FAM227A: variants seen among roughly 807,000 people sequenced by gnomAD.
The protein encoded by FAM227A is protein FAM227A.
FAM227A carries 80 observed loss-of-function variants against 74.7 expected under a neutral mutation model. The ratio of observed to expected loss-of-function variants is 1.07; its 90% CI spans 0.89 to 1.29. The LOEUF (loss-of-function observed/expected upper bound fraction) is 1.29, where lower values mean the gene tolerates loss of function less well. Among genes scored for constraint, FAM227A ranks in the 50% most tolerant of loss-of-function variants. The pLI, the probability that FAM227A is intolerant of heterozygous loss-of-function variation, is 0.00. For missense variants in FAM227A, 654 were observed against 683.4 expected, an observed-to-expected ratio of 0.96 and a Z score of 0.48; for synonymous variants, 237 against 241.8, an observed-to-expected ratio of 0.98 and a Z score of 0.19.
intron 10 of FAM227A, among the ~76,000 whole-genome samples, chr22:38,622,412 C>A (rs1249218413): frequency 1.3e-5 from 2 of 152,202 alleles, no homozygotes; most frequent in Non-Finnish European, 2.9e-5. Context: ...GGCTTGCCTC[C>A]ACCACCATGT....
At position 38,598,042 on chromosome 22, in the gene FAM227A, CA is replaced by C. The variant is rs59018974; in HGVS notation, c.1380-687del. On this transcript the variant is annotated intron_variant, in intron 14 of 16. Coordinates refer to ENST00000535113, the MANE Select transcript of FAM227A (RefSeq NM_001013647.2). The stretch of plus-strand genomic sequence containing the variant: ...TAGGCAACAGAGTGAGACTCTGTCT[CA>C]AAAAAAAAAAAAAAAAAGAAAATTC... 9.3e-4 allele frequency among the ~76,000 whole-genome samples: 78 copies of C among 83,810 alleles called. 1 individual carries two copies. Among genetic ancestry groups the C allele is most frequent in the Middle Eastern group, 7.0e-3 (1 of 142 alleles). The allele number at this position is 83,810 out of a possible 152,430, so 55.0% of individuals were successfully genotyped here. A position where few individuals can be genotyped will look rare whatever the true frequency, so the allele number is the denominator to read the frequency against.
rs1248395670 is a variant in FAM227A, at chr22:38,584,139, A to G, written c.*1986T>C. 1 of 152,112 alleles carries G rather than the reference A, an allele frequency of 6.6e-6. No individual in the cohort carries two copies. Among genetic ancestry groups the G allele is most frequent in the Non-Finnish European group, 1.5e-5 (1 of 68,040 alleles). 9.4% of individuals were successfully genotyped at this position (152,112 alleles called of 1,614,324 possible). A position where few individuals can be genotyped will look rare whatever the true frequency, so the allele number is the denominator to read the frequency against. ...TTTCTCAGATTCCACGCAGCTTTCT[A>G]TCGGAGCATTAATGCATTTATTGGT... On this transcript the variant is annotated 3_prime_UTR_variant, in exon 17 of 17. Coordinates refer to ENST00000535113, the MANE Select transcript of FAM227A (RefSeq NM_001013647.2).
At chr22:38,645,238 A>C (rs1393579786) in intron 3 of FAM227A, among the ~76,000 whole-genome samples, 2 of 151,342 alleles carry the variant, frequency 1.3e-5, no homozygotes, top group African/African-American at 4.9e-5. Flanking sequence ...AAAAAATACA[A>C]AAATTAGCTG....
rs2091032253 is a variant in FAM227A, at chr22:38,595,889, T to C, written c.1532+1315A>G. Among the ~76,000 whole-genome samples the C allele has an allele frequency of 2.0e-5, 3 of 149,358 alleles. No individual in the cohort carries two copies. In the South Asian group the frequency reaches 6.5e-4, roughly 32 times the overall value. The stretch of plus-strand genomic sequence containing the variant: ...GGCTATATTGGAACAAATTCAATGC[T>C]ACTTTGAGGAAATATCAGAAAAACC... On this transcript the variant is annotated intron_variant, in intron 15 of 16. Coordinates refer to ENST00000535113, the MANE Select transcript of FAM227A (RefSeq NM_001013647.2).
rs960905371 is a variant in FAM227A at position 38,583,394 on chromosome 22, C to G, written c.*2731G>C. On this transcript the variant is annotated 3_prime_UTR_variant, in exon 17 of 17. Transcript: ENST00000535113. ...TTCGCCACGTTGGCCAGGCTGGTCTCAAACTCCTGACCTCAGGCGATCCAC... is the reference window on the plus strand; with the variant it reads ...TTCGCCACGTTGGCCAGGCTGGTCTGAAACTCCTGACCTCAGGCGATCCAC... 1.2e-5 allele frequency: 2 copies of G among 164,986 alleles called. No homozygotes were observed. Among genetic ancestry groups the G allele is most frequent in the Admixed American group, 5.8e-5 (1 of 17,338 alleles). The allele number at this position is 164,986 out of a possible 1,614,324, so 10.2% of individuals were successfully genotyped here.
intron 6 of FAM227A, among the ~76,000 whole-genome samples, chr22:38,630,130 T>C (rs912207174): frequency 1.3e-5 from 2 of 151,256 alleles, no homozygotes; most frequent in Non-Finnish European, 2.9e-5. Context: ...GTGCCTCTCC[T>C]TTACCATCAG....
At chr22:38,595,017 G>C (rs952594196) in intron 15 of FAM227A, among the ~76,000 whole-genome samples, 9 of 152,172 alleles carry the variant, frequency 5.9e-5, no homozygotes, top group Non-Finnish European at 1.3e-4. Flanking sequence ...AGAATCGCTT[G>C]AACCTGGGGG....
chr22:38,591,166 A>G (rs2090925031), intron 16 of FAM227A, among the ~76,000 whole-genome samples: 1 of 152,034 alleles, frequency 6.6e-6, no homozygotes, highest in Non-Finnish European at 1.5e-5. Context: ...ACTCTACAAA[A>G]ATAAAAAATG....
rs371266891 is a variant in FAM227A, at chr22:38,638,687, T to C, written c.372+59A>G. On this transcript the variant is annotated intron_variant, in intron 5 of 16. Coordinates refer to ENST00000535113, the MANE Select transcript of FAM227A (RefSeq NM_001013647.2). ...AGTATTCTCCTCCCCAGGAATAAAATCTTTATTTCATGCCTAGCAGAAGCC... is the reference window on the plus strand; with the variant it reads ...AGTATTCTCCTCCCCAGGAATAAAACCTTTATTTCATGCCTAGCAGAAGCC... The C allele has an allele frequency of 3.2e-5, 40 of 1,263,328 alleles. No individual in the cohort carries two copies. The East Asian group carries it at 9.4e-4, about 30-fold the overall frequency. The allele number at this position is 1,263,328 out of a possible 1,614,324, so 78.3% of individuals were successfully genotyped here.
intron 15 of FAM227A, 73 bp from the exon 16 acceptor site, chr22:38,591,613 T>G (rs1318027070): frequency 1.0e-6 from 1 of 1,000,354 alleles, no homozygotes. Context: ...CTGTATGTCC[T>G]ATAAACTGAT....
chr22:38,615,496 C>T (rs1161914317), intron 11 of FAM227A, among the ~76,000 whole-genome samples: 1 of 152,184 alleles, frequency 6.6e-6, no homozygotes, highest in Non-Finnish European at 1.5e-5. Flanking sequence ...CAAGGAGGAA[C>T]CAGATTTCCC....
Position 38,582,423 on chromosome 22 carries a change from T to C in FAM227A, c.*3702A>G. 6.5e-7 allele frequency: 1 copy of C among 1,549,348 alleles called. No individual in the cohort carries two copies. Among genetic ancestry groups the C allele is most frequent in the Non-Finnish European group, 8.7e-7 (1 of 1,145,992 alleles). Reference sequence around the variant, plus strand: ...AACACTGGGAATGACAGAATTAGAATATCATACAATTACTCATTTGCTTTA... The same window carrying C: ...AACACTGGGAATGACAGAATTAGAACATCATACAATTACTCATTTGCTTTA... On this transcript the variant is annotated 3_prime_UTR_variant, in exon 17 of 17. Coordinates refer to ENST00000535113, the MANE Select transcript of FAM227A (RefSeq NM_001013647.2).
chr22:38,589,494 G>C (rs1407293909), intron 16 of FAM227A, among the ~76,000 whole-genome samples: 1 of 152,128 alleles, frequency 6.6e-6, no homozygotes, highest in African/African-American at 2.4e-5. Context: ...AATTTTCTAA[G>C]AAATAATACA....
chr22:38,637,875 A>G (rs1433299704), intron 5 of FAM227A, among the ~76,000 whole-genome samples: 1 of 152,242 alleles, frequency 6.6e-6, no homozygotes, highest in African/African-American at 2.4e-5. Context: ...AGTGTAAAGA[A>G]CAAGCTAAGG....
Position 38,578,130 on chromosome 22 carries a change from A to C in FAM227A, c.*7995T>G, listed in dbSNP as rs77292807. Reference sequence around the variant, plus strand: ...AATAAATAAAACATAAACCAGTAACAGTCATTTATTACCATTACCCCAGTA... The same window carrying C: ...AATAAATAAAACATAAACCAGTAACCGTCATTTATTACCATTACCCCAGTA... On this transcript the variant is annotated 3_prime_UTR_variant, in exon 17 of 17. Transcript: ENST00000535113. 6.6e-5 allele frequency: 10 copies of C among 152,200 alleles called. No individual in the cohort carries two copies. Among genetic ancestry groups the C allele is most frequent in the Non-Finnish European group, 1.0e-4 (7 of 68,042 alleles). 9.4% of individuals were successfully genotyped at this position (152,200 alleles called of 1,614,324 possible). A position where few individuals can be genotyped will look rare whatever the true frequency, so the allele number is the denominator to read the frequency against.
At chr22:38,636,121 A>AAAG (rs941838943) in intron 6 of FAM227A, among the ~76,000 whole-genome samples, 61 of 150,746 alleles carry the variant, frequency 4.0e-4, no homozygotes, top group Non-Finnish European at 8.1e-4. Context: ...AAAGAAAAGA[A>AAAG]AAAAGAGAGA....
chr22:38,592,736 T>G (rs1346132469), intron 15 of FAM227A, among the ~76,000 whole-genome samples: 1 of 152,210 alleles, frequency 6.6e-6, no homozygotes, highest in African/African-American at 2.4e-5. Context: ...GAAATTGTAA[T>G]AAATTTTAGC....
intron 3 of FAM227A, among the ~76,000 whole-genome samples, chr22:38,644,034 C>T (rs1198711498): frequency 6.6e-6 from 1 of 150,502 alleles, no homozygotes; most frequent in Non-Finnish European, 1.5e-5. Context: ...GTAGTTCCAG[C>T]TATCGGGAGG....
chr22:38,627,002 T>C (rs2091824033), intron 8 of FAM227A, among the ~76,000 whole-genome samples: 1 of 139,146 alleles, frequency 7.2e-6, no homozygotes, highest in African/African-American at 2.7e-5. Context: ...GAGGCTGAGG[T>C]AGGGGGATAG....
Sources: gnomAD v4.1 joint callset for allele counts (sites outside exome capture counted in the v4.1 genomes callset) on GRCh38, gnomAD v4.1.1 for gene constraint, MANE v1.5 for transcripts, NCBI Gene and HGNC (gene_info 2026-07-23, HGNC 2026-07-21) for gene names.